The following ZSCAN18 variants were observed in gnomAD, a reference collection of about 807,000 sequenced individuals.
The protein encoded by ZSCAN18 is zinc finger and SCAN domain containing 18.
ZSCAN18 carries 16 observed loss-of-function variants against 31.1 expected under a neutral mutation model. That is an observed-to-expected ratio of 0.51 (90% CI 0.35 to 0.78). The LOEUF is 0.78. ZSCAN18 is among the 30% of genes least tolerant of loss of function. ZSCAN18 has a pLI of 0.01. For synonymous variants in ZSCAN18, 375 were observed against 320.7 expected (o/e 1.17, Z -1.81); for missense variants, 731 against 697.4 (o/e 1.05, Z -0.54).
chr19:58,096,195 T>C (rs1486648739), intron 1 of ZSCAN18, among the ~76,000 whole-genome samples: 3 of 151,800 alleles, frequency 2.0e-5, no homozygotes, highest in Admixed American at 6.6e-5. Context: ...CACTCCAGCC[T>C]GGGCGACAGA....
chr19:58,093,571 C>T lies in ZSCAN18; in HGVS notation c.-119-3185G>A, dbSNP rs1469964672. ...TGCCTGCTCTGTGACTGAGCGCTTT[C>T]TCATGATTTAATCTCTGAGGGCGGG... On this transcript the variant is annotated intron_variant, in intron 1 of 6. Transcript: ENST00000601144. 2.6e-5 allele frequency among the ~76,000 whole-genome samples: 4 copies of T among 152,136 alleles called. No homozygotes were observed. The East Asian group carries it at 7.7e-4, about 29-fold the overall frequency.
At chr19:58,087,531 C>T in intron 3 of ZSCAN18, 127 bp from the exon 4 acceptor site, 2 of 778,022 alleles carry the variant, frequency 2.6e-6, no homozygotes, top group South Asian at 3.5e-5. Flanking sequence ...GCACCCAAGG[C>T]TCAACGGACA....
At chr19:58,113,215 C>G (rs151001647) in intron 1 of ZSCAN18, among the ~76,000 whole-genome samples, 3,840 of 151,496 alleles carry the variant, frequency 0.025, 152 homozygotes, top group African/African-American at 0.086. Context: ...ACTCGGGAGG[C>G]TGAGGCACGA....
At chr19:58,110,329 C>A (rs531570759) in intron 1 of ZSCAN18, among the ~76,000 whole-genome samples, 2 of 152,244 alleles carry the variant, frequency 1.3e-5, no homozygotes, top group African/African-American at 4.8e-5. Context: ...CATTACCATT[C>A]TTCCTTCACC....
chr19:58,091,160 T>C (rs1361660501), intron 1 of ZSCAN18, among the ~76,000 whole-genome samples: 1 of 150,744 alleles, frequency 6.6e-6, no homozygotes, highest in Non-Finnish European at 1.5e-5. Flanking sequence ...TCCCAGCTAC[T>C]TGGGAGGCTG....
chr19:58,086,497 A>G, intron 5 of ZSCAN18: 1 of 515,632 alleles, frequency 1.9e-6, no homozygotes, highest in Non-Finnish European at 3.4e-6. Flanking sequence ...AAGCAAAGCT[A>G]AAGAAAGACA....
upstream of ZSCAN18, chr19:58,098,342 G>C (rs1224755802): frequency 2.0e-6 from 2 of 985,398 alleles, no homozygotes; most frequent in Non-Finnish European, 2.4e-6. Flanking sequence ...ACAGGTGACA[G>C]TGCGCATGGC....
chr19:58,084,713 G>A lies in ZSCAN18; in HGVS notation c.1505C>T (p.Pro502Leu). The A allele has an allele frequency of 6.6e-7, 1 of 1,506,864 alleles. No homozygotes were observed. The highest frequency in any genetic ancestry group is 8.8e-7 in the Non-Finnish European group (1 of 1,138,140). The allele number at this position is 1,506,864 out of a possible 1,614,324, so 93.3% of individuals were successfully genotyped here. ...GPPESVEGEA[P>L]PAPPEAQR ...CCTCTGCGCCTCTGGGGGTGCGGGGGGAGCCTCGCCCTCCACGCTCTCTGG... is the reference window on the plus strand; with the variant it reads ...CCTCTGCGCCTCTGGGGGTGCGGGGAGAGCCTCGCCCTCCACGCTCTCTGG... Residue 502 changes from proline to leucine, a missense_variant, in exon 7 of 7, where the codon CCC (proline) becomes CTC (leucine). Around this residue, in one of 4 missense-constraint regions of ZSCAN18, gnomAD observed 597 missense variants for 499.5 expected, o/e 1.20. Coordinates refer to ENST00000601144, the MANE Select transcript of ZSCAN18 (RefSeq NM_001145543.2). The surrounding 1 kb of genome is among the most constrained non-coding windows in gnomAD (Gnocchi z 4.5).
chr19:58,085,462 A>C, intron 6 of ZSCAN18, 83 bp from the exon 7 acceptor site: 2 of 1,252,700 alleles, frequency 1.6e-6, no homozygotes, highest in Non-Finnish European at 2.2e-6. Context: ...AGCTGCCGGA[A>C]CAGCGCACAG....
upstream of ZSCAN18, chr19:58,098,321 A>C: frequency 4.1e-6 from 4 of 985,480 alleles, no homozygotes; most frequent in Non-Finnish European, 4.8e-6. Context: ...GGGGCGAGCA[A>C]GGGAGCCGTG....
At chr19:58,103,402 A>G (rs191425672) in intron 1 of ZSCAN18, among the ~76,000 whole-genome samples, 142 of 152,270 alleles carry the variant, frequency 9.3e-4, no homozygotes, top group Admixed American at 1.4e-3. Flanking sequence ...ATCAAACAGC[A>G]TATGCTCTCT....
Position 58,084,358 on chromosome 19 carries a change from A to G in ZSCAN18, c.*327T>C, listed in dbSNP as rs1306342685. 3.8e-6 allele frequency: 1 copy of G among 265,122 alleles called. No individual in the cohort carries two copies. The highest frequency in any genetic ancestry group is 2.2e-5 in the African/African-American group (1 of 45,212). 16.4% of individuals were successfully genotyped at this position (265,122 alleles called of 1,614,324 possible). ...TGAAGAAAGCACTGGCAGATCACGC[A>G]CTTTAAGGCAACTCTACACTGCACA... On this transcript the variant is annotated 3_prime_UTR_variant, in exon 7 of 7. Coordinates refer to ENST00000601144, the MANE Select transcript of ZSCAN18 (RefSeq NM_001145543.2). The surrounding 1 kb of genome is among the most constrained non-coding windows in gnomAD (Gnocchi z 4.5).
At chr19:58,099,964 G>GTTTTGT (rs1555802338), upstream of ZSCAN18, among the ~76,000 whole-genome samples, 2 of 136,114 alleles carry the variant, frequency 1.5e-5, no homozygotes, top group South Asian at 2.3e-4. Context: ...TGAAAGCTAT[G>GTTTTGT]TTTTTTTTTT....
intron 3 of ZSCAN18, 70 bp from the exon 4 acceptor site, chr19:58,087,474 GC>G: frequency 7.3e-7 from 1 of 1,377,188 alleles, no homozygotes; most frequent in South Asian, 1.3e-5. Flanking sequence ...GGGTCAAGGA[GC>G]CCCCGCTGCC....
Position 58,118,362 on chromosome 19 carries a change from G to C in ZSCAN18, c.35C>G (p.Ala12Gly), listed in dbSNP as rs564642830. The C allele has an allele frequency of 3.9e-6, 6 of 1,533,552 alleles. No homozygotes were observed. The African/African-American group carries it at 8.5e-5, about 22-fold the overall frequency. 95.0% of individuals were successfully genotyped at this position (1,533,552 alleles called of 1,614,324 possible). A position where few individuals can be genotyped will look rare whatever the true frequency, so the allele number is the denominator to read the frequency against. The change falls in exon 1 of 2, where the codon GCT (alanine) becomes GGT (glycine). Residue 12 changes from alanine (A) to glycine (G), a missense_variant. Physicochemically the swap from Ala to Gly is moderately conservative, Grantham distance 60. Coordinates refer to the ZSCAN18 transcript ENST00000595721. The stretch of plus-strand genomic sequence containing the variant: ...ACGGAACTCACTTCCCGCCGCCGTA[G>C]CGTCCTCGTCAGCTCGCCCTCCGAC...
intron 1 of ZSCAN18, among the ~76,000 whole-genome samples, chr19:58,104,720 T>C (rs2074621885): frequency 8.3e-6 from 1 of 121,186 alleles, no homozygotes; most frequent in Non-Finnish European, 1.7e-5. Flanking sequence ...TAAAATAAAA[T>C]AAAATAAAAT....
Position 58,085,276 on chromosome 19 carries a change from A to C in ZSCAN18, c.942T>G (p.Leu314=). 1 of 1,601,948 alleles carries C rather than the reference A, an allele frequency of 6.2e-7. No homozygotes were observed. Among genetic ancestry groups the C allele is most frequent in the Non-Finnish European group, 8.5e-7 (1 of 1,177,922 alleles). The change falls in exon 7 of 7, where the codon CTT becomes CTG. Residue 314 remains leucine (L), a synonymous_variant. Transcript: ENST00000601144. The part of the protein sequence containing the change: ...LPTEAPPGDA[L]ADPPSGTTEE... Reference sequence around the variant, plus strand: ...CAGTGGTGCCCGACGGGGGATCGGCAAGGGCGTCCCCAGGGGGCGCCTCCG... The same window carrying C: ...CAGTGGTGCCCGACGGGGGATCGGCCAGGGCGTCCCCAGGGGGCGCCTCCG...
At chr19:58,107,994 C>G in intron 1 of ZSCAN18, 1 of 1,037,906 alleles carries the variant, frequency 9.6e-7, no homozygotes, top group Non-Finnish European at 1.2e-6. Flanking sequence ...AAGTTTGACA[C>G]TGGTTACAGC....
At position 58,090,386 on chromosome 19, in the gene ZSCAN18, C is replaced by T. The variant is rs1329736244; in HGVS notation, c.-119G>A. 1 of 1,555,950 alleles carries T rather than the reference C, an allele frequency of 6.4e-7. No individual in the cohort carries two copies. Among genetic ancestry groups the T allele is most frequent in the Admixed American group, 1.9e-5 (1 of 52,648 alleles). ...CTCAGGTGGTGCCAGAACCCACAGA[C>T]CTGCAGAGGACACGGACAAGGCAAT... On this transcript the variant is annotated splice_region_variant and 5_prime_UTR_variant, in exon 2 of 7. Coordinates refer to ENST00000601144, the MANE Select transcript of ZSCAN18 (RefSeq NM_001145543.2). The surrounding 1 kb of genome is among the most constrained non-coding windows in gnomAD (Gnocchi z 4.7).
Sources: gnomAD v4.1 joint callset for allele counts (sites outside exome capture counted in the v4.1 genomes callset) on GRCh38, gnomAD v4.1.1 for gene constraint, gnomAD v4.1.1 regional missense constraint, Gnocchi (gnomAD v3.1) non-coding constraint, MANE v1.5 for transcripts, NCBI Gene and HGNC (gene_info 2026-07-23, HGNC 2026-07-21) for gene names.